The following ATXN8OS variants were observed in gnomAD, a reference collection of about 807,000 sequenced individuals.
ATXN8OS encodes ATXN8 opposite strand lncRNA.
In ATXN8OS at chr13:70,117,654, T is replaced by G. The variant is rs192576702; in HGVS notation, n.398+2356T>G. On this transcript the variant is annotated intron_variant and non_coding_transcript_variant, in intron 2 of 4. Coordinates refer to ENST00000678624, the Ensembl canonical transcript of ATXN8OS. ...AATCATGACCCAAACCCTTCTCTGC[T>G]GCTTACAATTTGTATAACCTTGGGC... 3.3e-5 allele frequency among the ~76,000 whole-genome samples: 5 copies of G among 152,232 alleles called. No homozygotes were observed. In the East Asian group the frequency reaches 9.6e-4, roughly 29 times the overall value.
chr13:70,146,557 A>G (rs1386185586), intron 3 of ATXN8OS, among the ~76,000 whole-genome samples: 1 of 152,200 alleles, frequency 6.6e-6, no homozygotes, highest in Admixed American at 6.5e-5. Context: ...AATGTGGCAC[A>G]TATACACCAG....
intron 3 of ATXN8OS, among the ~76,000 whole-genome samples, chr13:70,131,886 CA>C (rs1202274922): frequency 6.6e-6 from 1 of 151,944 alleles, no homozygotes; most frequent in Non-Finnish European, 1.5e-5. Context: ...AAATAGGTGC[CA>C]AAATATCTGT....
chr13:70,155,560 T>C (rs1593775517), intron 4 of ATXN8OS, among the ~76,000 whole-genome samples: 1 of 152,164 alleles, frequency 6.6e-6, no homozygotes, highest in Non-Finnish European at 1.5e-5. Flanking sequence ...AGCTTCTCTC[T>C]ATTTGCTTTA....
intron 4 of ATXN8OS, among the ~76,000 whole-genome samples, chr13:70,148,114 A>T (rs1012997910): frequency 2.0e-5 from 3 of 152,140 alleles, no homozygotes; most frequent in Non-Finnish European, 4.4e-5. Context: ...TCCAGGTAGC[A>T]GGCTTCAGAT....
intron 1 of ATXN8OS, among the ~76,000 whole-genome samples, chr13:70,108,963 G>A (rs1469281769): frequency 6.6e-6 from 1 of 152,218 alleles, no homozygotes; most frequent in South Asian, 2.1e-4. Context: ...GAAATTTGAA[G>A]ATGGGCATCT....
Position 70,151,230 on chromosome 13 carries a change from C to T in ATXN8OS, n.573+3802C>T, listed in dbSNP as rs995194059. 3.3e-5 allele frequency among the ~76,000 whole-genome samples: 5 copies of T among 152,072 alleles called. No individual in the cohort carries two copies. The South Asian group carries it at 8.3e-4, about 25-fold the overall frequency. The stretch of plus-strand genomic sequence containing the variant: ...ATTAACTTACAGACACCATGTTGAA[C>T]AGCAGATCTCCAGAAATTATTTATC... On this transcript the variant is annotated intron_variant and non_coding_transcript_variant, in intron 4 of 4. Coordinates refer to ENST00000678624, the Ensembl canonical transcript of ATXN8OS.
chr13:70,125,096 A>G (rs544832754), intron 2 of ATXN8OS, among the ~76,000 whole-genome samples: 1 of 152,188 alleles, frequency 6.6e-6, no homozygotes, highest in South Asian at 2.1e-4. Flanking sequence ...TGGAGGTTTC[A>G]TTCACCACTG....
intron 2 of ATXN8OS, among the ~76,000 whole-genome samples, chr13:70,127,861 T>C (rs1354748448): frequency 1.3e-5 from 2 of 152,058 alleles, no homozygotes; most frequent in Non-Finnish European, 2.9e-5. Context: ...AGATGACAAT[T>C]TATTCACCTG....
intron 2 of ATXN8OS, among the ~76,000 whole-genome samples, chr13:70,116,639 G>A (rs780402471): frequency 1.8e-4 from 28 of 152,138 alleles, no homozygotes; most frequent in Admixed American, 1.7e-3. Context: ...TGAATGAGAT[G>A]GAAAGCCATT....
intron 3 of ATXN8OS, among the ~76,000 whole-genome samples, chr13:70,142,422 T>C (rs576364424): frequency 1.8e-4 from 28 of 152,342 alleles, no homozygotes; most frequent in Non-Finnish European, 4.4e-5. Context: ...TAACGCTGAA[T>C]ACAGTTGATT....
intron 1 of ATXN8OS, among the ~76,000 whole-genome samples, chr13:70,114,462 A>C (rs770809726): frequency 3.9e-5 from 6 of 152,204 alleles, no homozygotes; most frequent in Non-Finnish European, 8.8e-5. Context: ...AATTATTGAA[A>C]TCATAGCCTA....
In ATXN8OS at chr13:70,107,833, G is replaced by T. The variant is rs1018168298; in HGVS notation, n.54G>T. On this transcript the variant is annotated non_coding_transcript_exon_variant, in exon 1 of 5. Transcript: ENST00000678624. ...CTCTGCACCCCTAGAGCCAGAAGAC[G>T]CTAGGTGGGCTGCGCGCTCTGCCAG... 1.2e-5 allele frequency: 8 copies of T among 660,128 alleles called. No individual in the cohort carries two copies. The African/African-American group carries it at 1.5e-4, about 12-fold the overall frequency. The allele number at this position is 660,128 out of a possible 1,614,324, so 40.9% of individuals were successfully genotyped here.
chr13:70,114,068 A>T (rs1383439824), intron 1 of ATXN8OS, among the ~76,000 whole-genome samples: 1 of 152,228 alleles, frequency 6.6e-6, no homozygotes, highest in African/African-American at 2.4e-5. Context: ...TGGGAAGATT[A>T]TTCTAAGAAA....
At chr13:70,170,876 A>G (rs900277406) in exon 5 of ATXN8OS, among the ~76,000 whole-genome samples, 3 of 152,070 alleles carry the variant, frequency 2.0e-5, no homozygotes, top group Non-Finnish European at 4.4e-5. Context: ...CCAGGCCACA[A>G]ACCGGTATAA....
chr13:70,149,226 T>C (rs1888829727), intron 4 of ATXN8OS, among the ~76,000 whole-genome samples: 1 of 152,092 alleles, frequency 6.6e-6, no homozygotes, highest in Non-Finnish European at 1.5e-5. Flanking sequence ...AAGTGTTAGA[T>C]GTAAGTCATT....
intron 4 of ATXN8OS, among the ~76,000 whole-genome samples, chr13:70,148,737 G>C (rs1888823442): frequency 6.6e-6 from 1 of 151,998 alleles, no homozygotes; most frequent in Non-Finnish European, 1.5e-5. Context: ...TTCTAGGCAA[G>C]TGTTTTTAGT....
chr13:70,115,537 GT>G lies in ATXN8OS; in HGVS notation n.398+246del, dbSNP rs1353471388. On this transcript the variant is annotated intron_variant and non_coding_transcript_variant, in intron 2 of 4. Transcript: ENST00000678624. ...TATCTCTATAGAAACAAAAGTAATG[GT>G]TTTTTTGGGGGGGCAACACATTTTG... Among the ~76,000 whole-genome samples the G allele has an allele frequency of 1.4e-4, 22 of 152,090 alleles. No homozygotes were observed. In the East Asian group the frequency reaches 3.9e-3, roughly 27 times the overall value.
At chr13:70,162,041 G>GA (rs1365753492) in intron 4 of ATXN8OS, among the ~76,000 whole-genome samples, 1 of 151,822 alleles carries the variant, frequency 6.6e-6, no homozygotes, top group East Asian at 1.9e-4. Flanking sequence ...AGAAGGAGAA[G>GA]AAAAAAGAGG....
At chr13:70,119,791 T>A (rs768480319) in intron 2 of ATXN8OS, among the ~76,000 whole-genome samples, 19 of 152,076 alleles carry the variant, frequency 1.2e-4, no homozygotes, top group Admixed American at 2.0e-4. Context: ...AAAACTTGAA[T>A]ATTATGTAAA....
Sources: gnomAD v4.1 joint callset for allele counts (sites outside exome capture counted in the v4.1 genomes callset) on GRCh38, gnomAD v4.1.1 for gene constraint, MANE v1.5 for transcripts, NCBI Gene and HGNC (gene_info 2026-07-23, HGNC 2026-07-21) for gene names.